The following RYR3 variants were observed in gnomAD, a reference collection of about 807,000 sequenced individuals.
RYR3 encodes the protein brain ryanodine receptor-calcium release channel.
Under a neutral mutation model 584.3 loss-of-function variants are expected in RYR3, and 207 were observed. The ratio of observed to expected loss-of-function variants is 0.35; its 90% confidence interval spans 0.32 to 0.40. The LOEUF is 0.40. RYR3 is among the 10% of genes least tolerant of loss of function. The pLI is 1.00. For synonymous variants in RYR3, 2,416 were observed against 2,248.5 expected, an observed-to-expected ratio of 1.07 and a Z score of -2.11; for missense variants, 5,616 against 6,089.2, an observed-to-expected ratio of 0.92 and a Z score of 2.59.
In RYR3 at chr15:33,785,752, C is replaced by T. The variant is rs373117998; in HGVS notation, c.9359C>T (p.Ser3120Leu). The T allele has an allele frequency of 1.9e-5, 30 of 1,613,850 alleles. No individual in the cohort carries two copies. In the African/African-American group the frequency reaches 4.0e-4, roughly 22 times the overall value. ...LMKEINDLAE[S>L]GARYTEMPHV... ...AAGGAAATCAACGACCTGGCCGAGT[C>T]AGGGGCCCGGTACACAGAGATGCCC... Residue 3120 changes from serine (S) to leucine (L), a missense_variant, in exon 66 of 104, where the codon TCA (serine) becomes TTA (leucine). This residue lies in a region of RYR3 where 954 missense variants were observed against 1,132.2 expected (regional missense o/e 0.84). Coordinates refer to ENST00000634891, the MANE Select transcript of RYR3 (RefSeq NM_001036.6).
intron 18 of RYR3, 121 bp from the exon 19 acceptor site, chr15:33,613,062 C>T (rs1049831598): frequency 1.5e-6 from 1 of 662,524 alleles, no homozygotes; most frequent in East Asian, 2.7e-5. Flanking sequence ...TGCAGTAGTA[C>T]CTCCGGACCT....
intron 43 of RYR3, among the ~76,000 whole-genome samples, chr15:33,716,259 T>C (rs776993264): frequency 1.3e-5 from 2 of 152,200 alleles, no homozygotes; most frequent in Non-Finnish European, 2.9e-5. Context: ...CAGGTATTTT[T>C]TTATGGCAAT....
intron 44 of RYR3, 24 bp downstream of exon 44, chr15:33,722,919 G>A (rs1034230500): frequency 1.4e-5 from 22 of 1,536,598 alleles, no homozygotes; most frequent in Middle Eastern, 1.7e-4. Context: ...ATTCCCTTCC[G>A]GCACAGATAC....
chr15:33,359,426 C>T lies in RYR3; in HGVS notation c.51+48330C>T, dbSNP rs935435406. Among the ~76,000 whole-genome samples, 4 of 152,210 alleles carry T rather than the reference C, an allele frequency of 2.6e-5. No individual in the cohort carries two copies. In the South Asian group the frequency reaches 8.3e-4, roughly 32 times the overall value. ...CCTCAGCAGCTTCCCTGCTGTTTCT[C>T]AACTGCACCAGACACCACTCTGCCC... On this transcript the variant is annotated intron_variant, in intron 1 of 103. Coordinates refer to ENST00000634891, the MANE Select transcript of RYR3 (RefSeq NM_001036.6).
At chr15:33,465,820 G>T in intron 1 of RYR3, 3 of 518,182 alleles carry the variant, frequency 5.8e-6, no homozygotes, top group Non-Finnish European at 1.2e-5. Flanking sequence ...ATTTGCTGAT[G>T]GTGTGGATGT....
At chr15:33,360,472 T>A (rs909537382) in intron 1 of RYR3, among the ~76,000 whole-genome samples, 1 of 152,242 alleles carries the variant, frequency 6.6e-6, no homozygotes, top group Non-Finnish European at 1.5e-5. Context: ...TTTTCATTAC[T>A]GAGTACTATG....
chr15:33,644,666 G>T (rs970576927), intron 28 of RYR3, 147 bp downstream of exon 28: 9 of 629,928 alleles, frequency 1.4e-5, no homozygotes, highest in Non-Finnish European at 2.5e-5. Context: ...CCTCAGAGCT[G>T]CAGTTGCAGG....
At chr15:33,471,807 A>G (rs1030997888) in intron 1 of RYR3, among the ~76,000 whole-genome samples, 11 of 152,072 alleles carry the variant, frequency 7.2e-5, no homozygotes, top group Non-Finnish European at 1.2e-4. Flanking sequence ...TGCATTGCTG[A>G]TGACTTAACT....
intron 1 of RYR3, among the ~76,000 whole-genome samples, chr15:33,336,108 T>G (rs1555430576): frequency 6.6e-6 from 1 of 152,128 alleles, no homozygotes; most frequent in Non-Finnish European, 1.5e-5. Flanking sequence ...ATACTTTTAC[T>G]TAAGAGACAC....
At chr15:33,534,814 C>T (rs1009670159) in intron 5 of RYR3, among the ~76,000 whole-genome samples, 3 of 152,162 alleles carry the variant, frequency 2.0e-5, no homozygotes, top group African/African-American at 7.2e-5. Flanking sequence ...CTTGGGATAT[C>T]GGGTGCTCCC....
At chr15:33,805,668 A>G (rs145642172) in intron 69 of RYR3, among the ~76,000 whole-genome samples, 19,763 of 150,228 alleles carry the variant, frequency 0.13, 1,631 homozygotes, top group South Asian at 0.24. Context: ...TAGTAGAGAC[A>G]GGGTTTCACT....
rs1951956194 is a variant in RYR3 at position 33,406,418 on chromosome 15, T to TC, written c.52-66999dup. Among the ~76,000 whole-genome samples, 3 of 152,324 alleles carry TC rather than the reference T, an allele frequency of 2.0e-5. No individual in the cohort carries two copies. The South Asian group carries it at 6.2e-4, about 32-fold the overall frequency. ...TCCATACCTCTGGCCTCACTCCACT[T>TC]CCATAAAATGTCTGTGATCTATCCC... On this transcript the variant is annotated intron_variant, in intron 1 of 103. Transcript: ENST00000634891.
chr15:33,511,466 T>G (rs1384101207), intron 3 of RYR3, among the ~76,000 whole-genome samples: 1 of 152,144 alleles, frequency 6.6e-6, no homozygotes, highest in East Asian at 1.9e-4. Flanking sequence ...CTCAGTGATC[T>G]CTCGGAATGG....
chr15:33,794,336 T>TAA (rs2075441920), intron 67 of RYR3, among the ~76,000 whole-genome samples: 1 of 32,480 alleles, frequency 3.1e-5, no homozygotes, highest in East Asian at 0.026. Flanking sequence ...TATATATGTT[T>TAA]ATATATATAA....
Position 33,838,715 on chromosome 15 carries a change from T to C in RYR3, c.12735T>C (p.Asp4245=), listed in dbSNP as rs1318975830. 6.2e-7 allele frequency: 1 copy of C among 1,613,876 alleles called. No homozygotes were observed. Residue 4245 remains aspartate (D), a synonymous_variant, in exon 89 of 104, where the codon GAT becomes GAC. Coordinates refer to ENST00000634891, the MANE Select transcript of RYR3 (RefSeq NM_001036.6). The stretch of plus-strand genomic sequence containing the variant: ...ACCCAACCCAATTTGGTATCCATGA[T>C]GACACTATGGAGGCTGAGAGGGCAG... ...MPDPTQFGIH[D]DTMEAERAEV...
At chr15:33,430,764 T>C (rs1438962085) in intron 1 of RYR3, among the ~76,000 whole-genome samples, 1 of 152,246 alleles carries the variant, frequency 6.6e-6, no homozygotes. Context: ...CTTATCACGT[T>C]GCTCATTTAC....
chr15:33,312,614 A>G (rs1334091182), intron 1 of RYR3, among the ~76,000 whole-genome samples: 1 of 152,142 alleles, frequency 6.6e-6, no homozygotes, highest in Non-Finnish European at 1.5e-5. Flanking sequence ...TTAGTAGTGG[A>G]TGGGTGGCAG....
At chr15:33,841,284 T>A (rs1415168405) in intron 90 of RYR3, among the ~76,000 whole-genome samples, 1 of 152,196 alleles carries the variant, frequency 6.6e-6, no homozygotes, top group African/African-American at 2.4e-5. Context: ...GTCGCTATAG[T>A]AAATAGAAAA....
intron 3 of RYR3, among the ~76,000 whole-genome samples, chr15:33,506,297 T>C (rs2142804854): frequency 6.6e-6 from 1 of 152,322 alleles, no homozygotes; most frequent in South Asian, 2.1e-4. Context: ...AATTATATAT[T>C]TCAGAAGCCA....
Sources: gnomAD v4.1 joint callset for allele counts (sites outside exome capture counted in the v4.1 genomes callset) on GRCh38, gnomAD v4.1.1 for gene constraint, gnomAD v4.1.1 regional missense constraint, MANE v1.5 for transcripts, NCBI Gene and HGNC (gene_info 2026-07-23, HGNC 2026-07-21) for gene names.